Variants in FAXC observed in about 807,000 individuals in gnomAD.
FAXC encodes failed axon connections homolog, metaxin like GST domain containing, also known as failed axon connections homolog.
In FAXC, 10 loss-of-function variants were observed where a neutral mutation model predicts 41.9. The ratio of observed to expected loss-of-function variants is 0.24; its 90% CI spans 0.15 to 0.41. The LOEUF (loss-of-function observed/expected upper bound fraction) is 0.41. FAXC is among the 10% of genes least tolerant of loss of function. The pLI is 1.00. For synonymous variants in FAXC, 183 were observed against 183.8 expected (o/e 1.00, Z 0.03); for missense variants, 399 against 510.9 (o/e 0.78, Z 2.11).
At chr6:99,295,502 C>T (rs1489031569) in intron 4 of FAXC, among the ~76,000 whole-genome samples, 2 of 152,128 alleles carry the variant, frequency 1.3e-5, no homozygotes. Flanking sequence ...AAGGCTGACC[C>T]CTCACCTGAG....
chr6:99,333,843 G>A (rs1773119903), intron 2 of FAXC, among the ~76,000 whole-genome samples: 1 of 152,164 alleles, frequency 6.6e-6, no homozygotes, highest in Non-Finnish European at 1.5e-5. Context: ...GTAAGGGGTA[G>A]CAGATTGAAA....
intron 3 of FAXC, among the ~76,000 whole-genome samples, chr6:99,323,869 GA>G (rs1772683864): frequency 6.6e-6 from 1 of 152,098 alleles, no homozygotes; most frequent in Non-Finnish European, 1.5e-5. Context: ...GAAGAAATGG[GA>G]AAAAATCCAG....
At chr6:99,307,722 C>T (rs1771982291) in intron 4 of FAXC, among the ~76,000 whole-genome samples, 1 of 152,038 alleles carries the variant, frequency 6.6e-6, no homozygotes, top group African/African-American at 2.4e-5. Context: ...GAGGTAACTG[C>T]AGGGCTGAGG....
At chr6:99,343,072 G>A (rs764765155) in intron 1 of FAXC, 39 bp from the exon 2 acceptor site, 1 of 1,557,316 alleles carries the variant, frequency 6.4e-7, no homozygotes, top group East Asian at 2.3e-5. Flanking sequence ...CAATCCACAT[G>A]TTATCCACAT....
rs948181343 is a variant in FAXC at position 99,273,587 on chromosome 6, T to A, written c.*7577A>T. Reference sequence around the variant, plus strand: ...AAAAACATCAGTCTTAAAGGTGACATCAAATTGTTCATCCTTCTCTTTCCC... The same window carrying A: ...AAAAACATCAGTCTTAAAGGTGACAACAAATTGTTCATCCTTCTCTTTCCC... On this transcript the variant is annotated 3_prime_UTR_variant, in exon 6 of 6. Transcript: ENST00000389677. 1.1e-4 allele frequency: 16 copies of A among 150,432 alleles called. No individual in the cohort carries two copies. Among genetic ancestry groups the A allele is most frequent in the African/African-American group, 3.7e-4 (15 of 40,710 alleles). 9.3% of individuals were successfully genotyped at this position (150,432 alleles called of 1,614,324 possible).
At chr6:99,289,849 C>A (rs1771166109) in intron 5 of FAXC, among the ~76,000 whole-genome samples, 1 of 151,948 alleles carries the variant, frequency 6.6e-6, no homozygotes, top group South Asian at 2.1e-4. Flanking sequence ...CATCTGGCAA[C>A]ACAGCACACT....
chr6:99,306,413 A>AG lies in FAXC; in HGVS notation c.824-14594dup, dbSNP rs575102570. 7.9e-4 allele frequency among the ~76,000 whole-genome samples: 120 copies of AG among 152,318 alleles called. 1 individual carries two copies. The highest frequency in any genetic ancestry group is 1.4e-3 in the Non-Finnish European group (92 of 68,024). The stretch of plus-strand genomic sequence containing the variant: ...GCTGCCATTCATGGAGAGAGGTCAG[A>AG]GGGAATGCTGGGTTGTTGGGAGGAT... On this transcript the variant is annotated intron_variant, in intron 4 of 5. Coordinates refer to ENST00000389677, the MANE Select transcript of FAXC (RefSeq NM_032511.4).
chr6:99,345,455 G>A (rs1271921353), intron 1 of FAXC, among the ~76,000 whole-genome samples: 1 of 152,234 alleles, frequency 6.6e-6, no homozygotes, highest in East Asian at 1.9e-4. Flanking sequence ...AACGCAGACA[G>A]TCTGGCACCA....
intron 4 of FAXC, among the ~76,000 whole-genome samples, chr6:99,308,460 C>T (rs1024999650): frequency 2.0e-5 from 3 of 152,166 alleles, no homozygotes; most frequent in African/African-American, 7.2e-5. Flanking sequence ...TCAATTTGTG[C>T]ATCTTTTGGA....
chr6:99,297,700 T>C (rs1032259134), intron 4 of FAXC, among the ~76,000 whole-genome samples: 1 of 152,134 alleles, frequency 6.6e-6, no homozygotes, highest in Admixed American at 6.5e-5. Flanking sequence ...CAAACCGAGC[T>C]CTACCTCCTA....
intron 4 of FAXC, among the ~76,000 whole-genome samples, chr6:99,308,858 TAAC>T (rs1281309900): frequency 6.6e-6 from 1 of 152,256 alleles, no homozygotes; most frequent in Non-Finnish European, 1.5e-5. Flanking sequence ...TAATGAAAGA[TAAC>T]TACTTTTTTT....
Position 99,323,624 on chromosome 6 carries a change from G to C in FAXC, c.643C>G (p.Arg215Gly). The change falls in exon 4 of 6, where the codon CGG becomes GGG. Residue 215 changes from arginine to glycine, a missense_variant. Coordinates refer to ENST00000389677, the MANE Select transcript of FAXC (RefSeq NM_032511.4). ...CCACCACTAAGAGAGAGCATCTTCC[G>C]GGTCTCATTGAGATTGTCCACCCAC... Reference protein sequence around the residue: ...CQWVDNLNETRKMLSLSGGGP... With the variant: ...CQWVDNLNETGKMLSLSGGGP... 1.9e-6 allele frequency: 3 copies of C among 1,614,158 alleles called. No homozygotes were observed. The highest frequency in any genetic ancestry group is 1.6e-4 in the Middle Eastern group (1 of 6,062).
At chr6:99,343,554 G>A (rs13192341) in intron 1 of FAXC, among the ~76,000 whole-genome samples, 18,077 of 152,222 alleles carry the variant, frequency 0.12, 1,377 homozygotes, top group Non-Finnish European at 0.17. Context: ...AGGCACAGAG[G>A]ATTAACTTGC....
Position 99,284,559 on chromosome 6 carries a change from C to CTGTGTGTG in FAXC, c.941-3114_941-3107dup, listed in dbSNP as rs74553398. Among the ~76,000 whole-genome samples the CTGTGTGTG allele has an allele frequency of 1.3e-3, 153 of 118,908 alleles. 3 individuals are homozygous for CTGTGTGTG. The highest frequency in any genetic ancestry group is 4.6e-3 in the African/African-American group (130 of 28,374). 78.0% of individuals were successfully genotyped at this position (118,908 alleles called of 152,430 possible). ...AGCAGAAACAGGTTGTGTGGAGTGT[C>CTGTGTGTG]TGTGTGTGTGTGTGTGTGTGTGTGT... On this transcript the variant is annotated intron_variant, in intron 5 of 5. Coordinates refer to ENST00000389677, the MANE Select transcript of FAXC (RefSeq NM_032511.4).
At chr6:99,340,468 C>G (rs1773384342) in intron 2 of FAXC, among the ~76,000 whole-genome samples, 1 of 151,930 alleles carries the variant, frequency 6.6e-6, no homozygotes, top group African/African-American at 2.4e-5. Context: ...AGTATAATAA[C>G]TATATTCTCA....
intron 4 of FAXC, among the ~76,000 whole-genome samples, chr6:99,308,885 A>T (rs1021430098): frequency 6.6e-6 from 1 of 152,188 alleles, no homozygotes; most frequent in African/African-American, 2.4e-5. Context: ...ATTTTTTAAA[A>T]TTTTCGTTTA....
At chr6:99,295,726 T>C (rs1223288870) in intron 4 of FAXC, among the ~76,000 whole-genome samples, 1 of 152,230 alleles carries the variant, frequency 6.6e-6, no homozygotes, top group Non-Finnish European at 1.5e-5. Context: ...AGGGAGCATA[T>C]AATGTCCTAT....
chr6:99,275,237 A>G lies in FAXC; in HGVS notation c.*5927T>C, dbSNP rs1477399432. 3 of 152,238 alleles carry G rather than the reference A, an allele frequency of 2.0e-5. No homozygotes were observed. The highest frequency in any genetic ancestry group is 7.2e-5 in the African/African-American group (3 of 41,456). 9.4% of individuals were successfully genotyped at this position (152,238 alleles called of 1,614,324 possible). ...CAACTTTTTATAAAGTTAACTGATT[A>G]TGATACACATATATTGCTTTATGGT... On this transcript the variant is annotated 3_prime_UTR_variant, in exon 6 of 6. Coordinates refer to ENST00000389677, the MANE Select transcript of FAXC (RefSeq NM_032511.4).
chr6:99,298,489 T>C (rs1229126645), intron 4 of FAXC, among the ~76,000 whole-genome samples: 2 of 152,174 alleles, frequency 1.3e-5, no homozygotes, highest in Non-Finnish European at 2.9e-5. Context: ...ATGCTGATAC[T>C]GCTGCTCCAG....
Sources: gnomAD v4.1 joint callset for allele counts (sites outside exome capture counted in the v4.1 genomes callset) on GRCh38, gnomAD v4.1.1 for gene constraint, MANE v1.5 for transcripts, NCBI Gene and HGNC (gene_info 2026-07-23, HGNC 2026-07-21) for gene names.